The following MARCHF1 variants were observed in gnomAD, a reference collection of about 807,000 sequenced individuals.
The protein encoded by MARCHF1 is membrane associated ring-CH-type finger 1.
In MARCHF1, 40 loss-of-function variants were observed where a neutral mutation model predicts 54.2. The ratio of observed to expected loss-of-function variants is 0.74; its 90% CI spans 0.57 to 0.96. The LOEUF is 0.96. Ranked by LOEUF, MARCHF1 falls within the 40% of genes least tolerant of loss-of-function variation. The probability of loss-of-function intolerance (pLI) is 0.00; values close to 1 mark genes in which losing one functional copy is unlikely to be tolerated. For synonymous variants in MARCHF1, 236 were observed against 236.3 expected, an observed-to-expected ratio of 1.00 and a Z score of 0.01; for missense variants, 586 against 656.5, an observed-to-expected ratio of 0.89 and a Z score of 1.17.
intron 1 of MARCHF1, chr4:164,383,605 C>A (rs7674031): frequency 0.32 from 48,874 of 152,102 alleles, 8,418 homozygotes; most frequent in Non-Finnish European, 0.38. Flanking sequence ...CTACCCCAGG[C>A]TGCGGGCTGG....
At chr4:164,112,669 C>A (rs1755858296) in intron 1 of MARCHF1, among the ~76,000 whole-genome samples, 1 of 151,804 alleles carries the variant, frequency 6.6e-6, no homozygotes, top group Non-Finnish European at 1.5e-5. Context: ...TAAAAGTCAA[C>A]CGCTGACACT....
chr4:164,174,243 T>C (rs1486390276), intron 1 of MARCHF1, among the ~76,000 whole-genome samples: 1 of 152,162 alleles, frequency 6.6e-6, no homozygotes, highest in African/African-American at 2.4e-5. Flanking sequence ...AACTGACAAA[T>C]TTCACTATAA....
rs200481671 is a variant in MARCHF1 at position 163,916,421 on chromosome 4, TGA to T, written c.-38-62254_-38-62253del. Reference sequence around the variant, plus strand: ...CTAAGAATCATGGCAGGTCAGAATCTGAGAGGAGACAGCAGGTGCACAGGTGT... The same window carrying T: ...CTAAGAATCATGGCAGGTCAGAATCTGAGGAGACAGCAGGTGCACAGGTGT... On this transcript the variant is annotated intron_variant, in intron 3 of 9. Transcript: ENST00000514618. Among the ~76,000 whole-genome samples, 1,029 of 152,178 alleles carry T rather than the reference TGA, an allele frequency of 6.8e-3. 2 individuals carry two copies. The highest frequency in any genetic ancestry group is 0.014 in the Middle Eastern group (4 of 294).
intron 1 of MARCHF1, among the ~76,000 whole-genome samples, chr4:164,220,733 A>T: frequency 6.8e-6 from 1 of 146,816 alleles, no homozygotes; most frequent in Non-Finnish European, 1.5e-5. Context: ...ATATGTATAT[A>T]TGTAATATAT....
chr4:164,300,742 T>C (rs1023868422), intron 1 of MARCHF1, among the ~76,000 whole-genome samples: 6 of 152,148 alleles, frequency 3.9e-5, no homozygotes, highest in Non-Finnish European at 8.8e-5. Flanking sequence ...GGTTGTGCCA[T>C]GTTGTCCAGG....
At chr4:163,829,832 C>T (rs1010812578) in intron 4 of MARCHF1, among the ~76,000 whole-genome samples, 9 of 152,146 alleles carry the variant, frequency 5.9e-5, no homozygotes, top group East Asian at 1.9e-4. Context: ...AACAATTGGA[C>T]GGCAGGCCTC....
intron 2 of MARCHF1, among the ~76,000 whole-genome samples, chr4:164,035,715 C>A (rs1273836033): frequency 2.7e-5 from 4 of 150,082 alleles, no homozygotes; most frequent in Non-Finnish European, 5.9e-5. Flanking sequence ...GTACTGAAAT[C>A]AAATGTAGTA....
rs760317145 is a variant in MARCHF1 at position 164,177,009 on chromosome 4, T to TACATATAC, written c.-322-65348_-322-65347insGTATATGT. 3.6e-5 allele frequency among the ~76,000 whole-genome samples: 2 copies of TACATATAC among 55,576 alleles called. 1 individual carries two copies. Among genetic ancestry groups the TACATATAC allele is most frequent in the South Asian group, 1.4e-3 (2 of 1,466 alleles). The allele number at this position is 55,576 out of a possible 152,430, so 36.5% of individuals were successfully genotyped here. ...ATATATATATATATATATATATATA[T>TACATATAC]ACAAATGATAGAATTAGGCATGTTT... On this transcript the variant is annotated intron_variant, in intron 1 of 9. Transcript: ENST00000514618.
intron 1 of MARCHF1, among the ~76,000 whole-genome samples, chr4:164,118,219 A>T (rs1230340540): frequency 1.3e-5 from 2 of 151,916 alleles, no homozygotes; most frequent in East Asian, 3.9e-4. Context: ...TATGGAAAAC[A>T]TTAACTTGTA....
At chr4:164,018,451 A>G (rs74857348) in intron 2 of MARCHF1, among the ~76,000 whole-genome samples, 5,761 of 152,024 alleles carry the variant, frequency 0.038, 250 homozygotes, top group Admixed American at 0.11. Context: ...ATAGTTATAT[A>G]TTACAAATAT....
intron 4 of MARCHF1, among the ~76,000 whole-genome samples, chr4:163,832,254 A>G (rs1169607302): frequency 1.3e-5 from 2 of 152,172 alleles, no homozygotes; most frequent in Non-Finnish European, 2.9e-5. Context: ...TCATGAGAAT[A>G]AAGAACAAAT....
intron 1 of MARCHF1, among the ~76,000 whole-genome samples, chr4:164,187,220 G>A (rs934616192): frequency 1.3e-5 from 2 of 151,622 alleles, no homozygotes; most frequent in Non-Finnish European, 2.9e-5. Flanking sequence ...CTGTTGTGGG[G>A]ACAGGGAGTA....
chr4:164,288,674 A>G (rs1414878191), intron 1 of MARCHF1, among the ~76,000 whole-genome samples: 1 of 152,054 alleles, frequency 6.6e-6, no homozygotes, highest in Non-Finnish European at 1.5e-5. Context: ...AAATCCAAAA[A>G]CTGTAATTAT....
At chr4:164,241,919 C>T (rs755322442) in intron 1 of MARCHF1, among the ~76,000 whole-genome samples, 19 of 152,302 alleles carry the variant, frequency 1.2e-4, no homozygotes, top group East Asian at 3.9e-4. Context: ...GCTTTTCCAA[C>T]GGGCTTAAAA....
intron 2 of MARCHF1, among the ~76,000 whole-genome samples, chr4:164,097,791 C>T (rs1755447487): frequency 6.6e-6 from 1 of 152,172 alleles, no homozygotes. Flanking sequence ...TTGGGCCACA[C>T]ATATTTTTGT....
At chr4:164,337,125 T>A (rs1249589807) in intron 1 of MARCHF1, among the ~76,000 whole-genome samples, 2 of 152,118 alleles carry the variant, frequency 1.3e-5, no homozygotes, top group Non-Finnish European at 2.9e-5. Flanking sequence ...TACTTGATAC[T>A]GAATATATTA....
At chr4:163,882,721 C>A (rs1750443875) in intron 3 of MARCHF1, among the ~76,000 whole-genome samples, 1 of 152,050 alleles carries the variant, frequency 6.6e-6, no homozygotes, top group Non-Finnish European at 1.5e-5. Context: ...GTAATCCCAG[C>A]ATTTTGGGAG....
chr4:163,868,603 C>T (rs1029124569), intron 3 of MARCHF1, among the ~76,000 whole-genome samples: 1 of 151,492 alleles, frequency 6.6e-6, no homozygotes, highest in South Asian at 2.1e-4. Context: ...CTATATATAC[C>T]CATACATACA....
intron 1 of MARCHF1, among the ~76,000 whole-genome samples, chr4:164,377,005 A>G (rs973200455): frequency 3.3e-5 from 5 of 152,160 alleles, no homozygotes; most frequent in African/African-American, 9.7e-5. Context: ...GCTTCCATTT[A>G]TCTCCTGATG....
Sources: allele counts gnomAD v4.1 joint callset (sites outside exome capture counted in the v4.1 genomes callset), GRCh38; gene constraint gnomAD v4.1.1; transcripts MANE v1.5; gene names NCBI Gene and HGNC (gene_info 2026-07-23, HGNC 2026-07-21).